The following CAMK2G variants were observed in gnomAD, a reference collection of about 807,000 sequenced individuals.
CAMK2G encodes calcium/calmodulin dependent protein kinase II gamma.
In CAMK2G, 23 loss-of-function variants were observed where a neutral mutation model predicts 88.7. The ratio of observed to expected loss-of-function variants is 0.26; its 90% CI spans 0.19 to 0.37. The LOEUF is 0.37. Ranked by LOEUF, CAMK2G falls within the 10% of genes least tolerant of loss-of-function variation. CAMK2G has a pLI of 1.00. For synonymous variants in CAMK2G, 263 were observed against 294.8 expected (o/e 0.89, Z 1.11); for missense variants, 476 against 780.8 (o/e 0.61, Z 4.65).
intron 2 of CAMK2G, among the ~76,000 whole-genome samples, chr10:73,861,608 G>A (rs901643811): frequency 6.6e-6 from 1 of 152,088 alleles, no homozygotes; most frequent in East Asian, 1.9e-4. Context: ...CACCCGCCTC[G>A]GCCTCCCAAA....
At chr10:73,855,941 T>C (rs1460995205) in intron 3 of CAMK2G, among the ~76,000 whole-genome samples, 1 of 152,120 alleles carries the variant, frequency 6.6e-6, no homozygotes, top group Non-Finnish European at 1.5e-5. Flanking sequence ...AGATTCATTA[T>C]TTCTTTTTTT....
chr10:73,872,050 A>G (rs1470900626), intron 2 of CAMK2G, among the ~76,000 whole-genome samples: 1 of 152,092 alleles, frequency 6.6e-6, no homozygotes, highest in Non-Finnish European at 1.5e-5. Context: ...TCTGAGTTTC[A>G]CAACCTTTGT....
intron 3 of CAMK2G, among the ~76,000 whole-genome samples, chr10:73,855,515 C>T (rs1196524189): frequency 6.6e-6 from 1 of 152,158 alleles, no homozygotes; most frequent in East Asian, 1.9e-4. Context: ...GCCAGAACCC[C>T]ACCCCATGCC....
At chr10:73,814,673 A>G (rs2132990795) in intron 22 of CAMK2G, 168 bp from the exon 23 acceptor site, 1 of 265,286 alleles carries the variant, frequency 3.8e-6, no homozygotes, top group South Asian at 6.5e-5. Flanking sequence ...GCTAAGCACT[A>G]ACTAAGTGCT....
At chr10:73,850,920 T>C (rs1297693780) in intron 5 of CAMK2G, among the ~76,000 whole-genome samples, 1 of 152,112 alleles carries the variant, frequency 6.6e-6, no homozygotes, top group Non-Finnish European at 1.5e-5. Flanking sequence ...TGGCCAAAAA[T>C]GGCAAAAGTG....
chr10:73,837,621 G>A, intron 13 of CAMK2G, 110 bp from the exon 14 acceptor site: 5 of 892,972 alleles, frequency 5.6e-6, no homozygotes, highest in South Asian at 3.9e-5. Context: ...GGGGGCCAAG[G>A]GTCTCCCGAA....
chr10:73,868,018 G>C (rs2135833785), intron 2 of CAMK2G, among the ~76,000 whole-genome samples: 1 of 152,308 alleles, frequency 6.6e-6, no homozygotes, highest in Middle Eastern at 3.4e-3. Flanking sequence ...GCTCTGCAGA[G>C]AGGCATTCAA....
chr10:73,847,914 C>T (rs1590787753), intron 9 of CAMK2G, 74 bp downstream of exon 9: 1 of 877,136 alleles, frequency 1.1e-6, no homozygotes, highest in East Asian at 2.5e-5. Context: ...AACAAGCCTG[C>T]TCCCTTGGAC....
intron 17 of CAMK2G, among the ~76,000 whole-genome samples, chr10:73,823,447 CT>C (rs2089815678): frequency 6.6e-6 from 1 of 152,162 alleles, no homozygotes; most frequent in Admixed American, 6.5e-5. Flanking sequence ...AACTCCTGAG[CT>C]CAGGCGATCT....
chr10:73,847,078 C>T, intron 10 of CAMK2G, 147 bp downstream of exon 10: 1 of 744,294 alleles, frequency 1.3e-6, no homozygotes, highest in South Asian at 1.8e-5. Flanking sequence ...TTTATTGACC[C>T]TGGCCCTCAA....
intron 5 of CAMK2G, among the ~76,000 whole-genome samples, chr10:73,851,635 A>G (rs1390180889): frequency 2.0e-5 from 3 of 151,198 alleles, no homozygotes; most frequent in Admixed American, 2.0e-4. Context: ...AGAGGGGGAC[A>G]TTGGGCATGG....
At chr10:73,832,970 T>C (rs1180066895) in intron 14 of CAMK2G, among the ~76,000 whole-genome samples, 1 of 149,288 alleles carries the variant, frequency 6.7e-6, no homozygotes, top group East Asian at 2.0e-4. Flanking sequence ...TCTCTCTCTT[T>C]TTTTTTTTTT....
intron 14 of CAMK2G, 94 bp from the exon 15 acceptor site, chr10:73,828,215 T>A: frequency 9.6e-7 from 1 of 1,040,774 alleles, no homozygotes; most frequent in Non-Finnish European, 1.5e-6. Context: ...CAGTGTGGGC[T>A]CTGCATCAGG....
At chr10:73,856,785 G>A (rs918426701) in intron 3 of CAMK2G, among the ~76,000 whole-genome samples, 1 of 152,212 alleles carries the variant, frequency 6.6e-6, no homozygotes, top group Non-Finnish European at 1.5e-5. Context: ...TTTAAAAACC[G>A]TGGAAGACAG....
In CAMK2G at chr10:73,848,309, C is replaced by T. The variant is rs1009565770; in HGVS notation, c.601+217G>A. 1.3e-5 allele frequency among the ~76,000 whole-genome samples: 2 copies of T among 152,156 alleles called. No individual in the cohort carries two copies. Among genetic ancestry groups the T allele is most frequent in the Admixed American group, 1.3e-4 (2 of 15,286 alleles). The stretch of plus-strand genomic sequence containing the variant: ...TTTAGGCACAACCCATCCTCTAAGG[C>T]GTGGGCAAATCCCTCTCCAAGAAGG... On this transcript the variant is annotated intron_variant, in intron 8 of 22. Coordinates refer to ENST00000423381, the MANE Select transcript of CAMK2G (RefSeq NM_001367534.1). This position sits in a 1 kb window ranked among gnomAD's most constrained non-coding sequence, Gnocchi z 4.5.
At position 73,842,480 on chromosome 10, in the gene CAMK2G, A is replaced by T. The variant is rs781443398; in HGVS notation, c.881T>A (p.Phe294Tyr). ...RQETVECLRKFNARRKLKGAI... is the reference protein window; with the variant it reads ...RQETVECLRKYNARRKLKGAI... ...CACCTTCAGTTTTCTCCGGGCATTG[A>T]ACTTGCGCAAACACTCCACAGTCTC... The change falls in exon 11 of 23, where the codon TTC (phenylalanine) becomes TAC (tyrosine). Residue 294 changes from phenylalanine to tyrosine, a missense_variant. Phe to Tyr is a conservative substitution (Grantham distance 22, BLOSUM62 3). This residue lies in a region of CAMK2G where 164 missense variants were observed against 385.6 expected (regional missense o/e 0.43). Transcript: ENST00000423381. This position sits in a 1 kb window ranked among gnomAD's most constrained non-coding sequence, Gnocchi z 4.6. The T allele has an allele frequency of 6.2e-7, 1 of 1,613,682 alleles. No homozygotes were observed.
At chr10:73,873,388 A>C (rs1591525930) in intron 1 of CAMK2G, 1 of 1,254,970 alleles carries the variant, frequency 8.0e-7, no homozygotes, top group Non-Finnish European at 1.0e-6. Context: ...GAAAACACAC[A>C]CCTGCTGCAT....
At chr10:73,858,358 C>T (rs190465498) in intron 3 of CAMK2G, among the ~76,000 whole-genome samples, 2 of 152,338 alleles carry the variant, frequency 1.3e-5, no homozygotes, top group East Asian at 1.9e-4. Context: ...AAGGACAGCG[C>T]AGTGGAGAGA....
rs1322916997 is a variant in CAMK2G, at chr10:73,813,993, G to C, written c.*525C>G. On this transcript the variant is annotated 3_prime_UTR_variant, in exon 23 of 23. Transcript: ENST00000423381. ...GATGTTCTCATCAGCCCCATTCTAG[G>C]CGCCTATGCAAGTTCCAAAGAAGTT... is the stretch of plus-strand genomic sequence containing the variant. 1.3e-5 allele frequency: 2 copies of C among 152,698 alleles called. No homozygotes were observed. The highest frequency in any genetic ancestry group is 3.9e-4 in the East Asian group (2 of 5,174). The allele number at this position is 152,698 out of a possible 1,614,324, so 9.5% of individuals were successfully genotyped here.
Sources: allele counts gnomAD v4.1 joint callset (sites outside exome capture counted in the v4.1 genomes callset), GRCh38; gene constraint gnomAD v4.1.1; regional missense constraint gnomAD v4.1.1; non-coding constraint Gnocchi (gnomAD v3.1); transcripts MANE v1.5; gene names NCBI Gene and HGNC (gene_info 2026-07-23, HGNC 2026-07-21).